Variants in RBFOX2 observed in about 807,000 individuals in gnomAD.
RBFOX2 encodes the protein RNA binding fox-1 homolog 2.
RBFOX2 carries 10 observed loss-of-function variants against 49.1 expected under a neutral mutation model. That is an observed-to-expected ratio of 0.20 (90% CI 0.13 to 0.35). The LOEUF is 0.35. RBFOX2 is among the 10% of genes least tolerant of loss of function. The pLI, the probability that RBFOX2 is intolerant of heterozygous loss-of-function variation, is 1.00. For missense variants in RBFOX2, 323 were observed against 486.9 expected (o/e 0.66, Z 3.17); for synonymous variants, 183 against 187.4 (o/e 0.98, Z 0.19).
intron 4 of RBFOX2, among the ~76,000 whole-genome samples, chr22:35,776,752 A>G (rs1569049425): frequency 6.6e-6 from 1 of 152,232 alleles, no homozygotes; most frequent in Middle Eastern, 3.2e-3. Context: ...CTAACAAATG[A>G]AAGTAGCAAC....
chr22:35,837,385 T>C (rs1333376205), intron 1 of RBFOX2, among the ~76,000 whole-genome samples: 1 of 152,168 alleles, frequency 6.6e-6, no homozygotes, highest in Non-Finnish European at 1.5e-5. Flanking sequence ...AATAAACCGT[T>C]TAACTTTGAA....
intron 1 of RBFOX2, among the ~76,000 whole-genome samples, chr22:35,991,282 A>AAT (rs2057969451): frequency 6.6e-6 from 1 of 152,186 alleles, no homozygotes; most frequent in Non-Finnish European, 1.5e-5. Flanking sequence ...ACAGTCTATG[A>AAT]GGAGCCACCG....
chr22:36,011,952 C>T (rs2058838566), intron 1 of RBFOX2, among the ~76,000 whole-genome samples: 1 of 152,174 alleles, frequency 6.6e-6, no homozygotes, highest in Admixed American at 6.5e-5. Flanking sequence ...TTTTCCATGA[C>T]TAAAGCAGAG....
intron 1 of RBFOX2, among the ~76,000 whole-genome samples, chr22:35,980,683 A>T (rs2057412532): frequency 6.6e-6 from 1 of 152,120 alleles, no homozygotes; most frequent in Non-Finnish European, 1.5e-5. Context: ...GAGTTTTGCA[A>T]GCAGCTTGCA....
At chr22:35,881,205 A>T (rs2045841849) in intron 1 of RBFOX2, among the ~76,000 whole-genome samples, 1 of 152,058 alleles carries the variant, frequency 6.6e-6, no homozygotes, top group Non-Finnish European at 1.5e-5. Context: ...CGGAGCTTGC[A>T]GTGAGCCGAC....
chr22:35,761,079 T>C, intron 8 of RBFOX2, 123 bp downstream of exon 9: 1 of 805,494 alleles, frequency 1.2e-6, no homozygotes, highest in Non-Finnish European at 2.0e-6. Flanking sequence ...TGGGATAGTA[T>C]TTAATATCCC....
At chr22:35,867,067 T>C (rs377299143) in intron 1 of RBFOX2, among the ~76,000 whole-genome samples, 2 of 148,866 alleles carry the variant, frequency 1.3e-5, no homozygotes, top group South Asian at 2.1e-4. Context: ...GGATTTTATA[T>C]GCACACACAT....
At chr22:35,878,471 T>C (rs1318150401) in intron 1 of RBFOX2, among the ~76,000 whole-genome samples, 1 of 152,148 alleles carries the variant, frequency 6.6e-6, no homozygotes, top group Non-Finnish European at 1.5e-5. Context: ...TCTGCACAAT[T>C]AGAGCTCACT....
chr22:35,905,801 C>T (rs1243368647), intron 1 of RBFOX2, among the ~76,000 whole-genome samples: 1 of 151,992 alleles, frequency 6.6e-6, no homozygotes. Flanking sequence ...GAGTCATGCA[C>T]TGCATAGCAA....
intron 1 of RBFOX2, among the ~76,000 whole-genome samples, chr22:35,855,080 T>C (rs2042358729): frequency 6.6e-6 from 1 of 152,150 alleles, no homozygotes; most frequent in South Asian, 2.1e-4. Flanking sequence ...ATTTTAAAAA[T>C]AGAAACAAAA....
intron 1 of RBFOX2, among the ~76,000 whole-genome samples, chr22:35,951,647 C>G (rs552523561): frequency 6.6e-6 from 1 of 152,284 alleles, no homozygotes; most frequent in South Asian, 2.1e-4. Flanking sequence ...AAAATGCTGA[C>G]AGCTACTTAC....
At position 35,924,389 on chromosome 22, in the gene RBFOX2, G is replaced by A. The variant is rs1479586918; in HGVS notation, c.-34+14458C>T. The stretch of plus-strand genomic sequence containing the variant: ...AACAAAGATCCTAATGTAGTAATAG[G>A]AGATACATGGGAAAAGTTCTACTAA... On this transcript the variant is annotated intron_variant, in intron 1 of 13. Coordinates refer to the RBFOX2 transcript ENST00000359369. 4.6e-5 allele frequency among the ~76,000 whole-genome samples: 7 copies of A among 152,200 alleles called. No individual in the cohort carries two copies. In the East Asian group the frequency reaches 1.3e-3, roughly 29 times the overall value.
At chr22:35,949,050 G>A (rs2054620070) in intron 1 of RBFOX2, among the ~76,000 whole-genome samples, 1 of 152,112 alleles carries the variant, frequency 6.6e-6, no homozygotes, top group African/African-American at 2.4e-5. Flanking sequence ...TACCTCACGT[G>A]AATAGTCAAA....
intron 1 of RBFOX2, among the ~76,000 whole-genome samples, chr22:35,958,318 C>T (rs574897832): frequency 6.6e-6 from 1 of 152,168 alleles, no homozygotes; most frequent in Non-Finnish European, 1.5e-5. Context: ...ATCATGTCTA[C>T]ACCTTGCAAG....
chr22:35,984,339 T>C (rs2057603453), intron 1 of RBFOX2, among the ~76,000 whole-genome samples: 2 of 152,204 alleles, frequency 1.3e-5, no homozygotes, highest in South Asian at 4.1e-4. Context: ...ACCTCTGCCC[T>C]ATGCCCTCAG....
intron 2 of RBFOX2, among the ~76,000 whole-genome samples, chr22:35,782,462 T>C (rs1486134016): frequency 6.6e-6 from 1 of 152,068 alleles, no homozygotes; most frequent in Non-Finnish European, 1.5e-5. Flanking sequence ...GCTGGGACGA[T>C]AGGTGCCTGC....
intron 1 of RBFOX2, among the ~76,000 whole-genome samples, chr22:36,001,230 CACACTAT>C (rs1569521478): frequency 1.7e-5 from 2 of 115,816 alleles, no homozygotes; most frequent in South Asian, 2.7e-4. Context: ...CACACACACA[CACACTAT>C]ATGTATATAC....
At chr22:35,785,609 A>G (rs1356409401) in intron 2 of RBFOX2, among the ~76,000 whole-genome samples, 1 of 152,248 alleles carries the variant, frequency 6.6e-6, no homozygotes, top group Non-Finnish European at 1.5e-5. Context: ...TTTAAAATAT[A>G]AAGGATAATC....
intron 1 of RBFOX2, among the ~76,000 whole-genome samples, chr22:35,978,307 T>G (rs549462330): frequency 6.6e-6 from 1 of 152,336 alleles, no homozygotes; most frequent in East Asian, 1.9e-4. Context: ...ATCATGCATG[T>G]ATATATACGT....
Sources: allele counts gnomAD v4.1 joint callset (sites outside exome capture counted in the v4.1 genomes callset), GRCh38; gene constraint gnomAD v4.1.1; transcripts MANE v1.5; gene names NCBI Gene and HGNC (gene_info 2026-07-23, HGNC 2026-07-21).